The following PTPRD variants were observed in gnomAD, a reference collection of about 807,000 sequenced individuals.
The protein encoded by PTPRD is protein tyrosine phosphatase receptor type D, also known as receptor-type tyrosine-protein phosphatase delta.
PTPRD carries 34 observed loss-of-function variants against 214.5 expected under a neutral mutation model. The ratio of observed to expected loss-of-function variants is 0.16; its 90% CI spans 0.12 to 0.21. PTPRD has a LOEUF of 0.21. Ranked by LOEUF, PTPRD falls within the 10% of genes least tolerant of loss-of-function variation. The probability of loss-of-function intolerance (pLI) is 1.00; values close to 1 mark genes in which losing one functional copy is unlikely to be tolerated. For missense variants in PTPRD, 2,545 were observed against 2,398.7 expected (o/e 1.06, Z -1.27); for synonymous variants, 1,128 against 845.7 (o/e 1.33, Z -5.79).
chr9:9,224,362 G>A (rs1327954469), intron 9 of PTPRD, among the ~76,000 whole-genome samples: 2 of 152,076 alleles, frequency 1.3e-5, no homozygotes, highest in East Asian at 3.9e-4. Context: ...TTTTAAATAG[G>A]TGGTTCTCAT....
In PTPRD at chr9:8,527,332, A is replaced by G. The variant is rs1346881001; in HGVS notation, c.550+13T>C. 6 of 1,607,136 alleles carry G rather than the reference A, an allele frequency of 3.7e-6. No homozygotes were observed. The highest frequency in any genetic ancestry group is 4.2e-6 in the Non-Finnish European group (5 of 1,176,686). On this transcript the variant is annotated intron_variant, in intron 16 of 45. Coordinates refer to ENST00000381196, the MANE Select transcript of PTPRD (RefSeq NM_002839.4). ...TAGTGGGGTTGAAGTGCGCTTCAGA[A>G]CTAAGCACTTACCAATAGATTCTGG... is the stretch of plus-strand genomic sequence containing the variant.
chr9:8,983,675 A>AT (rs140141089), intron 11 of PTPRD, among the ~76,000 whole-genome samples: 23,272 of 150,634 alleles, frequency 0.15, 2,434 homozygotes, highest in Non-Finnish European at 0.23. Context: ...TGCCTGGCTA[A>AT]TTTTTTTTTC....
At chr9:10,592,285 T>C (rs1567107252) in intron 2 of PTPRD, among the ~76,000 whole-genome samples, 1 of 151,810 alleles carries the variant, frequency 6.6e-6, no homozygotes, top group Non-Finnish European at 1.5e-5. Flanking sequence ...TGTGAGCCAG[T>C]AGACTAAATC....
chr9:9,425,166 C>T (rs2080335311), intron 8 of PTPRD, among the ~76,000 whole-genome samples: 1 of 151,984 alleles, frequency 6.6e-6, no homozygotes, highest in East Asian at 1.9e-4. Flanking sequence ...ATCAATGCAT[C>T]CCAGACAATA....
chr9:8,321,358 TTTCAATTTACTGG>T (rs1426623975), intron 44 of PTPRD, among the ~76,000 whole-genome samples: 1 of 151,246 alleles, frequency 6.6e-6, no homozygotes, highest in African/African-American at 2.4e-5. Context: ...ACTCACAACT[TTTCAATTTACTGG>T]TTTTATCATC....
At chr9:10,384,079 A>C (rs1441245590) in intron 2 of PTPRD, among the ~76,000 whole-genome samples, 2 of 151,140 alleles carry the variant, frequency 1.3e-5, no homozygotes, top group East Asian at 3.9e-4. Context: ...GGGTACAAAA[A>C]AAAAAAAAAA....
chr9:10,328,222 TTAAG>T (rs1402744002), intron 3 of PTPRD, among the ~76,000 whole-genome samples: 1 of 151,668 alleles, frequency 6.6e-6, no homozygotes, highest in African/African-American at 2.4e-5. Context: ...GAGACACAGA[TTAAG>T]TTTTTTATTT....
chr9:9,049,599 C>T (rs1464577123), intron 10 of PTPRD, among the ~76,000 whole-genome samples: 1 of 151,926 alleles, frequency 6.6e-6, no homozygotes, highest in African/African-American at 2.4e-5. Flanking sequence ...GCAAAACGTT[C>T]CGATGTTTAT....
chr9:10,258,647 C>T (rs1039841398), intron 3 of PTPRD, among the ~76,000 whole-genome samples: 8 of 152,122 alleles, frequency 5.3e-5, no homozygotes, highest in Admixed American at 5.2e-4. Context: ...GTACCTACAT[C>T]TTTTTTGGTA....
At chr9:10,359,932 T>A (rs1327905113) in intron 2 of PTPRD, among the ~76,000 whole-genome samples, 3 of 152,152 alleles carry the variant, frequency 2.0e-5, no homozygotes, top group African/African-American at 7.2e-5. Context: ...ACAGGGAGAA[T>A]TGTATATGTT....
At chr9:9,201,018 G>C (rs915590435) in intron 9 of PTPRD, among the ~76,000 whole-genome samples, 2 of 152,190 alleles carry the variant, frequency 1.3e-5, no homozygotes, top group African/African-American at 2.4e-5. Flanking sequence ...TGAAGGGTTA[G>C]AATAGCAGGA....
intron 42 of PTPRD, 71 bp from the exon 43 acceptor site, chr9:8,339,118 T>TATCTA (rs1849834562): frequency 7.3e-7 from 1 of 1,361,360 alleles, no homozygotes; most frequent in African/African-American, 1.5e-5. Flanking sequence ...TCTATCTATC[T>TATCTA]ATCTAATCTA....
At chr9:8,978,422 A>G (rs1185441341) in intron 11 of PTPRD, among the ~76,000 whole-genome samples, 2 of 152,134 alleles carry the variant, frequency 1.3e-5, no homozygotes, top group Non-Finnish European at 1.5e-5. Flanking sequence ...TGGGCTCTCA[A>G]TAAATATCCA....
intron 11 of PTPRD, among the ~76,000 whole-genome samples, chr9:8,811,716 T>C (rs2096808822): frequency 6.6e-6 from 1 of 152,160 alleles, no homozygotes; most frequent in Non-Finnish European, 1.5e-5. Context: ...ACTGAAAAAG[T>C]CTAGAAAAGT....
rs1566602427 is a variant in PTPRD at position 9,946,070 on chromosome 9, T to TTCCCTTTCCCACTTGGGAAAGTCAC, written c.-471-7461_-471-7460insGTGACTTTCCCAAGTGGGAAAGGGA. ...GATCCTTTCCCAGTTGGGAAAGTCATCCTTCACTTTCCCAAGCTGGACACT... is the reference window on the plus strand; with the variant it reads ...GATCCTTTCCCAGTTGGGAAAGTCATTCCCTTTCCCACTTGGGAAAGTCACCCTTCACTTTCCCAAGCTGGACACT... On this transcript the variant is annotated intron_variant, in intron 4 of 45. Coordinates refer to ENST00000381196, the MANE Select transcript of PTPRD (RefSeq NM_002839.4). Among the ~76,000 whole-genome samples, 5 of 38,756 alleles carry TTCCCTTTCCCACTTGGGAAAGTCAC rather than the reference T, an allele frequency of 1.3e-4. No individual in the cohort carries two copies. The African/African-American group carries it at 1.8e-3, about 14-fold the overall frequency. The allele number at this position is 38,756 out of a possible 152,430, so 25.4% of individuals were successfully genotyped here.
intron 8 of PTPRD, among the ~76,000 whole-genome samples, chr9:9,449,352 A>T (rs765516465): frequency 1.3e-5 from 2 of 152,082 alleles, no homozygotes; most frequent in Non-Finnish European, 2.9e-5. Flanking sequence ...GAATAAGGCA[A>T]TTCTCCATCT....
At chr9:9,308,308 C>T (rs564941659) in intron 9 of PTPRD, among the ~76,000 whole-genome samples, 14 of 152,212 alleles carry the variant, frequency 9.2e-5, no homozygotes, top group South Asian at 2.1e-4. Context: ...ACATTTTAAA[C>T]GGAACACGTG....
At chr9:10,238,496 G>A (rs983096981) in intron 3 of PTPRD, among the ~76,000 whole-genome samples, 36 of 151,664 alleles carry the variant, frequency 2.4e-4, no homozygotes, top group African/African-American at 8.2e-4. Flanking sequence ...CTGTGTATAC[G>A]CTCCAGAATG....
intron 3 of PTPRD, among the ~76,000 whole-genome samples, chr9:10,087,021 G>T (rs1482659330): frequency 1.3e-5 from 2 of 151,588 alleles, no homozygotes; most frequent in Non-Finnish European, 2.9e-5. Context: ...ATTTGCTGAC[G>T]ATTGAACTAA....
Sources: gnomAD v4.1 joint callset for allele counts (sites outside exome capture counted in the v4.1 genomes callset) on GRCh38, gnomAD v4.1.1 for gene constraint, MANE v1.5 for transcripts, NCBI Gene and HGNC (gene_info 2026-07-23, HGNC 2026-07-21) for gene names.